ACVR2B: variants seen among roughly 807,000 people sequenced by gnomAD.
The protein encoded by ACVR2B is activin A receptor type 2B, also known as activin receptor type-2B.
In ACVR2B, 18 loss-of-function variants were observed where a neutral mutation model predicts 65.1. The ratio of observed to expected loss-of-function variants is 0.28; its 90% CI spans 0.19 to 0.41. The LOEUF is 0.41. ACVR2B is among the 10% of genes least tolerant of loss of function. The probability of loss-of-function intolerance (pLI) is 1.00; values close to 1 mark genes in which losing one functional copy is unlikely to be tolerated. For missense variants in ACVR2B, 482 were observed against 682.7 expected, an observed-to-expected ratio of 0.71 and a Z score of 3.28; for synonymous variants, 298 against 277.7, an observed-to-expected ratio of 1.07 and a Z score of -0.73.
chr3:38,488,283 T>C lies in ACVR2B; in HGVS notation c.*4951T>C, dbSNP rs1274901666. ...TTGTAAATGTTTAATGAATTCAGGGTTATAAGCATAGTTCTTTAAGTAAGA... is the reference window on the plus strand; with the variant it reads ...TTGTAAATGTTTAATGAATTCAGGGCTATAAGCATAGTTCTTTAAGTAAGA... On this transcript the variant is annotated 3_prime_UTR_variant, in exon 11 of 11. Transcript: ENST00000352511. 6.6e-6 allele frequency: 1 copy of C among 152,236 alleles called. No individual in the cohort carries two copies. The allele number at this position is 152,236 out of a possible 1,614,324, so 9.4% of individuals were successfully genotyped here.
At chr3:38,462,814 C>T (rs932203225) in intron 1 of ACVR2B, among the ~76,000 whole-genome samples, 11 of 152,104 alleles carry the variant, frequency 7.2e-5, no homozygotes, top group Non-Finnish European at 1.3e-4. Flanking sequence ...ATCATAAGCA[C>T]GTATGTTATT....
Position 38,454,391 on chromosome 3 carries a change from G to C in ACVR2B, c.52+17G>C. 8.0e-7 allele frequency: 1 copy of C among 1,248,948 alleles called. No individual in the cohort carries two copies. Among genetic ancestry groups the C allele is most frequent in the Non-Finnish European group, 1.0e-6 (1 of 996,856 alleles). 77.4% of individuals were successfully genotyped at this position (1,248,948 alleles called of 1,614,324 possible). A position where few individuals can be genotyped will look rare whatever the true frequency, so the allele number is the denominator to read the frequency against. ...TGTGCGCCGGTAAGAACTGGGCGCGGCGCGGGGACGCCGAGAGGGCGCGCG... is the reference window on the plus strand; with the variant it reads ...TGTGCGCCGGTAAGAACTGGGCGCGCCGCGGGGACGCCGAGAGGGCGCGCG... On this transcript the variant is annotated intron_variant, in intron 1 of 10. Transcript: ENST00000352511.
chr3:38,465,798 C>T (rs1197846113), intron 1 of ACVR2B, among the ~76,000 whole-genome samples: 2 of 152,180 alleles, frequency 1.3e-5, no homozygotes, highest in African/African-American at 4.8e-5. Context: ...CATCAAGCCA[C>T]AGATTCAAGA....
intron 1 of ACVR2B, chr3:38,454,694 A>C: frequency 3.3e-5 from 8 of 239,902 alleles, no homozygotes; most frequent in Non-Finnish European, 4.8e-5. Context: ...AGTGAGGAAA[A>C]CCTGAGCGTG....
intron 1 of ACVR2B, among the ~76,000 whole-genome samples, chr3:38,463,641 G>A (rs1043888656): frequency 6.6e-6 from 1 of 152,194 alleles, no homozygotes; most frequent in East Asian, 1.9e-4. Flanking sequence ...AAGTCCACTT[G>A]TCAGGCCCTG....
Position 38,478,267 on chromosome 3 carries a change from C to T in ACVR2B, c.497C>T (p.Pro166Leu), listed in dbSNP as rs779507051. Residue 166 changes from proline to leucine, a missense_variant, in exon 4 of 11, where the codon CCC becomes CTC. Physicochemically the swap from Pro to Leu is moderately conservative, Grantham distance 98. This residue lies in a region of ACVR2B where 95 missense variants were observed against 91.6 expected (regional missense o/e 1.04). Transcript: ENST00000352511. ...AFWMYRHRKP[P>L]YGHVDIHEDP... Reference sequence around the variant, plus strand: ...TGGATGTACCGGCATCGCAAGCCCCCCTACGGTCATGTGGACATCCATGAG... The same window carrying T: ...TGGATGTACCGGCATCGCAAGCCCCTCTACGGTCATGTGGACATCCATGAG... 4 of 1,614,102 alleles carry T rather than the reference C, an allele frequency of 2.5e-6. No individual in the cohort carries two copies. The South Asian group carries it at 4.4e-5, about 18-fold the overall frequency.
chr3:38,482,780 A>G (rs1710040779), intron 10 of ACVR2B, among the ~76,000 whole-genome samples: 1 of 152,052 alleles, frequency 6.6e-6, no homozygotes, highest in African/African-American at 2.4e-5. Flanking sequence ...GGGCACTTGT[A>G]TGGTTTGGGC....
At chr3:38,465,467 A>G (rs1386396058) in intron 1 of ACVR2B, among the ~76,000 whole-genome samples, 2 of 152,068 alleles carry the variant, frequency 1.3e-5, no homozygotes, top group Non-Finnish European at 2.9e-5. Flanking sequence ...ATTTCAGCAG[A>G]TAGCTGAAAA....
chr3:38,455,378 C>A (rs1709530563), intron 1 of ACVR2B, among the ~76,000 whole-genome samples: 2 of 152,116 alleles, frequency 1.3e-5, no homozygotes, highest in South Asian at 2.1e-4. Context: ...GGGTCCTGCG[C>A]GTCTTTGTTC....
At position 38,479,776 on chromosome 3, in the gene ACVR2B, G is replaced by A; in HGVS notation, c.909G>A (p.Glu303=). ...CACGAGGCCTCTCATACCTGCATGA[G>A]GATGTGCCCTGGTGCCGTGGCGAGG... ...TMSRGLSYLH[E]DVPWCRGEGH... Residue 303 remains glutamate, a synonymous_variant, in exon 7 of 11, where the codon GAG becomes GAA. Transcript: ENST00000352511. 6.2e-7 allele frequency: 1 copy of A among 1,614,260 alleles called. No homozygotes were observed. The highest frequency in any genetic ancestry group is 8.5e-7 in the Non-Finnish European group (1 of 1,180,046).
At chr3:38,454,484 A>C in intron 1 of ACVR2B, 110 bp downstream of exon 1, 1 of 988,768 alleles carries the variant, frequency 1.0e-6, no homozygotes, top group Non-Finnish European at 1.3e-6. Flanking sequence ...TCGCCGCACC[A>C]CCTGTATTCA....
At chr3:38,480,940 T>A (rs1239492628) in intron 7 of ACVR2B, among the ~76,000 whole-genome samples, 1 of 152,178 alleles carries the variant, frequency 6.6e-6, no homozygotes, top group Non-Finnish European at 1.5e-5. Flanking sequence ...CTCTGCAGGA[T>A]CCTAGGAAAG....
chr3:38,470,032 T>C (rs999389472), intron 1 of ACVR2B, among the ~76,000 whole-genome samples: 11 of 152,198 alleles, frequency 7.2e-5, no homozygotes, highest in Non-Finnish European at 1.6e-4. Context: ...AATTGGAAGT[T>C]GATCTTCAGG....
rs55986551 is a variant in ACVR2B, at chr3:38,492,731, T to TACACACACACACACACACACAC, written c.*9451_*9472dup. The TACACACACACACACACACACAC allele has an allele frequency of 3.2e-5, 4 of 124,788 alleles. No individual in the cohort carries two copies. The highest frequency in any genetic ancestry group is 9.6e-5 in the African/African-American group (3 of 31,280). 7.7% of individuals were successfully genotyped at this position (124,788 alleles called of 1,614,324 possible). A position where few individuals can be genotyped will look rare whatever the true frequency, so the allele number is the denominator to read the frequency against. On this transcript the variant is annotated 3_prime_UTR_variant, in exon 11 of 11. Coordinates refer to ENST00000352511, the MANE Select transcript of ACVR2B (RefSeq NM_001106.4). The stretch of plus-strand genomic sequence containing the variant: ...AGTGTGCTGATTTATATATATATAT[T>TACACACACACACACACACACAC]ACACACACACACACACACACACACA...
chr3:38,473,059 CG>C (rs1271927446), intron 1 of ACVR2B, among the ~76,000 whole-genome samples: 1 of 151,952 alleles, frequency 6.6e-6, no homozygotes, highest in African/African-American at 2.4e-5. Context: ...GTGTGAGGGT[CG>C]GGGGTGGTGT....
rs2059811279 is a variant in ACVR2B at position 38,491,613 on chromosome 3, A to G, written c.*8281A>G. 1 of 152,314 alleles carries G rather than the reference A, an allele frequency of 6.6e-6. No homozygotes were observed. Among genetic ancestry groups the G allele is most frequent in the Non-Finnish European group, 1.5e-5 (1 of 68,034 alleles). The allele number at this position is 152,314 out of a possible 1,614,324, so 9.4% of individuals were successfully genotyped here. On this transcript the variant is annotated 3_prime_UTR_variant, in exon 11 of 11. Transcript: ENST00000352511. The stretch of plus-strand genomic sequence containing the variant: ...AGATGAGAGTAGAAAAGATTAGGCA[A>G]CATCTGAGTTTTAACTTGAAAAGTG...
In ACVR2B at chr3:38,455,167, G is replaced by A. The variant is rs1709525568; in HGVS notation, c.52+793G>A. ...CATGTGTGTTTGGGGGTATGTGGGCGCGGGCGTAAACAAGCGGAGTTCCGC... is the reference window on the plus strand; with the variant it reads ...CATGTGTGTTTGGGGGTATGTGGGCACGGGCGTAAACAAGCGGAGTTCCGC... On this transcript the variant is annotated intron_variant, in intron 1 of 10. Transcript: ENST00000352511. 2.0e-5 allele frequency among the ~76,000 whole-genome samples: 3 copies of A among 152,130 alleles called. No homozygotes were observed. The South Asian group carries it at 6.2e-4, about 32-fold the overall frequency.
chr3:38,461,027 G>A (rs1018841172), intron 1 of ACVR2B, among the ~76,000 whole-genome samples: 1 of 152,220 alleles, frequency 6.6e-6, no homozygotes, highest in Admixed American at 6.5e-5. Context: ...AGGGGTCCCT[G>A]TGGCCTCCCA....
At chr3:38,472,427 C>G (rs1204946545) in intron 1 of ACVR2B, among the ~76,000 whole-genome samples, 1 of 152,126 alleles carries the variant, frequency 6.6e-6, no homozygotes, top group Non-Finnish European at 1.5e-5. Flanking sequence ...CACTGGCCCT[C>G]CTGAGATGTT....
Sources: gnomAD v4.1 joint callset for allele counts (sites outside exome capture counted in the v4.1 genomes callset) on GRCh38, gnomAD v4.1.1 for gene constraint, gnomAD v4.1.1 regional missense constraint, MANE v1.5 for transcripts, NCBI Gene and HGNC (gene_info 2026-07-23, HGNC 2026-07-21) for gene names.